Variants in CD300LG observed in about 807,000 individuals in gnomAD.
CD300LG encodes CMRF35-like molecule 9.
In CD300LG, 29 loss-of-function variants were observed where a neutral mutation model predicts 31.5. The ratio of observed to expected loss-of-function variants is 0.92; its 90% CI spans 0.68 to 1.25. The LOEUF (loss-of-function observed/expected upper bound fraction) is 1.25, where lower values mean the gene tolerates loss of function less well. Ranked by LOEUF, CD300LG falls within the 50% of genes most tolerant of loss-of-function variation. The probability of loss-of-function intolerance (pLI) is 0.00; values close to 1 mark genes in which losing one functional copy is unlikely to be tolerated. For synonymous variants in CD300LG, 175 were observed against 177.2 expected, an observed-to-expected ratio of 0.99 and a Z score of 0.10; for missense variants, 396 against 417.6, an observed-to-expected ratio of 0.95 and a Z score of 0.45.
chr17:43,851,916 G>A (rs577927603), intron 2 of CD300LG, among the ~76,000 whole-genome samples: 1 of 152,048 alleles, frequency 6.6e-6, no homozygotes, highest in Non-Finnish European at 1.5e-5. Flanking sequence ...CTGGAGGCAC[G>A]CACAGGGGAC....
intron 2 of CD300LG, chr17:43,849,275 C>T (rs570774185): frequency 2.0e-5 from 7 of 351,758 alleles, no homozygotes; most frequent in East Asian, 4.4e-5. Flanking sequence ...TGAGGCCTCC[C>T]GAGGCTGGGC....
chr17:43,855,311 G>A lies in CD300LG; in HGVS notation c.824G>A (p.Arg275Lys). Reference protein sequence around the residue: ...IAFCSHLLLWRKEAQQATETQ... With the variant: ...IAFCSHLLLWKKEAQQATETQ... The stretch of plus-strand genomic sequence containing the variant: ...TTCTGCAGCCACCTGCTCCTGTGGA[G>A]AAAGGAAGGTGAGCAAAGGTGGGCG... The change falls in exon 5 of 7, where the codon AGA becomes AAA. Residue 275 changes from arginine (R) to lysine (K), a missense_variant. Arg to Lys is a conservative substitution (Grantham distance 26, BLOSUM62 2). Coordinates refer to ENST00000317310, the MANE Select transcript of CD300LG (RefSeq NM_145273.4). 1.9e-6 allele frequency: 3 copies of A among 1,580,032 alleles called. No individual in the cohort carries two copies. The highest frequency in any genetic ancestry group is 2.3e-5 in the East Asian group (1 of 43,718).
chr17:43,848,408 G>A (rs563028720), intron 1 of CD300LG, 150 bp from the exon 2 acceptor site: 17 of 656,044 alleles, frequency 2.6e-5, no homozygotes, highest in Admixed American at 1.4e-4. Context: ...TTCCCCCAGC[G>A]TGGGAGGTTA....
intron 6 of CD300LG, chr17:43,858,422 C>T (rs981891638): frequency 2.0e-5 from 20 of 985,340 alleles, no homozygotes; most frequent in Middle Eastern, 5.2e-4. Context: ...CTGAGAGCGC[C>T]GGAACCAGCC....
chr17:43,853,756 T>C, intron 3 of CD300LG, 51 bp from the exon 4 acceptor site: 1 of 1,468,456 alleles, frequency 6.8e-7, no homozygotes, highest in Non-Finnish European at 9.4e-7. Flanking sequence ...TCAGGGATGC[T>C]GGGATGCAAG....
Position 43,862,015 on chromosome 17 carries a change from C to A in CD300LG, c.*104C>A, listed in dbSNP as rs755510951. 1.3e-6 allele frequency: 1 copy of A among 742,704 alleles called. No homozygotes were observed. Among genetic ancestry groups the A allele is most frequent in the Non-Finnish European group, 2.1e-6 (1 of 479,008 alleles). 46.0% of individuals were successfully genotyped at this position (742,704 alleles called of 1,614,324 possible). ...ACCTCAGCCTCAGAGTCCAGCTGCC[C>A]GGACTCCAGGGCTCTCCCCACCCTC... is the stretch of plus-strand genomic sequence containing the variant. On this transcript the variant is annotated 3_prime_UTR_variant, in exon 7 of 7. Transcript: ENST00000317310.
chr17:43,855,806 C>G (rs568923289), intron 5 of CD300LG: 2 of 152,726 alleles, frequency 1.3e-5, no homozygotes, highest in East Asian at 1.9e-4. Context: ...CTGCCCTAAG[C>G]CTCATTTACC....
intron 4 of CD300LG, among the ~76,000 whole-genome samples, chr17:43,854,486 T>C (rs1644407485): frequency 6.6e-6 from 1 of 152,212 alleles, no homozygotes; most frequent in Admixed American, 6.5e-5. Context: ...AGGCAGCTGC[T>C]GGCAGGTTCA....
At chr17:43,858,816 G>A (rs2046594689) in intron 6 of CD300LG, among the ~76,000 whole-genome samples, 1 of 152,186 alleles carries the variant, frequency 6.6e-6, no homozygotes, top group Non-Finnish European at 1.5e-5. Flanking sequence ...CCTCACAGGG[G>A]TGTGAAAACC....
chr17:43,847,475 T>C (rs562965920), intron 1 of CD300LG, among the ~76,000 whole-genome samples: 9 of 152,308 alleles, frequency 5.9e-5, no homozygotes, highest in East Asian at 1.9e-4. Flanking sequence ...TCCAGACCTG[T>C]GGGTTTCCCC....
At chr17:43,854,780 C>T (rs2046464131) in intron 4 of CD300LG, among the ~76,000 whole-genome samples, 1 of 152,162 alleles carries the variant, frequency 6.6e-6, no homozygotes, top group Non-Finnish European at 1.5e-5. Flanking sequence ...TCCACTCCTA[C>T]CTAGTTATAC....
intron 2 of CD300LG, among the ~76,000 whole-genome samples, chr17:43,850,157 G>A (rs1007470848): frequency 2.6e-5 from 4 of 152,218 alleles, no homozygotes; most frequent in South Asian, 2.1e-4. Context: ...GAAGACTGAC[G>A]ACAGTGATGT....
chr17:43,858,178 T>C (rs945222023), intron 6 of CD300LG: 6 of 1,186,292 alleles, frequency 5.1e-6, no homozygotes, highest in Non-Finnish European at 6.3e-6. Context: ...CCAAGGAGGG[T>C]CTGGGGTGGA....
At chr17:43,856,066 C>T (rs192863885) in intron 5 of CD300LG, among the ~76,000 whole-genome samples, 3 of 152,218 alleles carry the variant, frequency 2.0e-5, no homozygotes, top group East Asian at 1.9e-4. Flanking sequence ...CTCAGCCTCC[C>T]GAGTAACTAG....
intron 3 of CD300LG, among the ~76,000 whole-genome samples, chr17:43,853,460 A>T (rs1163623933): frequency 6.6e-6 from 1 of 151,852 alleles, no homozygotes; most frequent in Non-Finnish European, 1.5e-5. Flanking sequence ...GTGACAATTG[A>T]CTGGGACTGT....
rs183275664 is a variant in CD300LG at position 43,858,725 on chromosome 17, G to A, written c.885+1569G>A. The A allele has an allele frequency of 1.3e-5, 13 of 984,594 alleles. No individual in the cohort carries two copies. The Admixed American group carries it at 7.4e-4, about 56-fold the overall frequency. The allele number at this position is 984,594 out of a possible 1,614,324, so 61.0% of individuals were successfully genotyped here. ...ATAGGATTTAGCAGAGTCTGGAGAT[G>A]GAATTGAAGGGGTTTGGGGCTTTCT... On this transcript the variant is annotated intron_variant, in intron 6 of 6. Coordinates refer to ENST00000317310, the MANE Select transcript of CD300LG (RefSeq NM_145273.4).
At chr17:43,847,496 G>T (rs888028175) in intron 1 of CD300LG, among the ~76,000 whole-genome samples, 3 of 152,190 alleles carry the variant, frequency 2.0e-5, no homozygotes, top group Non-Finnish European at 4.4e-5. Context: ...TCATGGCAAT[G>T]TGGCTGTGAG....
intron 2 of CD300LG, among the ~76,000 whole-genome samples, chr17:43,850,324 T>C (rs748812894): frequency 3.9e-5 from 6 of 152,238 alleles, no homozygotes; most frequent in Non-Finnish European, 8.8e-5. Context: ...CAGTGAGCTC[T>C]TGTGAGTCAG....
chr17:43,858,849 G>T (rs112279288), intron 6 of CD300LG, among the ~76,000 whole-genome samples: 1 of 152,190 alleles, frequency 6.6e-6, no homozygotes, highest in Non-Finnish European at 1.5e-5. Context: ...TTAGGGGTCA[G>T]ACCAGCATTT....
Sources: allele counts gnomAD v4.1 joint callset (sites outside exome capture counted in the v4.1 genomes callset), GRCh38; gene constraint gnomAD v4.1.1; transcripts MANE v1.5; gene names NCBI Gene and HGNC (gene_info 2026-07-23, HGNC 2026-07-21).